Variants in SYT7 observed in about 807,000 individuals in gnomAD.
SYT7 encodes synaptotagmin 7.
SYT7 carries 29 observed loss-of-function variants against 75.1 expected under a neutral mutation model. The observed-to-expected ratio is 0.39, with a 90% CI of 0.29 to 0.53. The LOEUF (loss-of-function observed/expected upper bound fraction) is 0.53, where lower values mean the gene tolerates loss of function less well. Ranked by LOEUF, SYT7 falls within the 20% of genes least tolerant of loss-of-function variation. SYT7 has a pLI of 0.77. For missense variants in SYT7, 693 were observed against 953.2 expected (o/e 0.73, Z 3.59); for synonymous variants, 376 against 401.7 (o/e 0.94, Z 0.76).
chr11:61,568,607 G>A (rs1171350590), intron 1 of SYT7, among the ~76,000 whole-genome samples: 1 of 152,158 alleles, frequency 6.6e-6, no homozygotes. Context: ...GACGGGCATG[G>A]GAGAGTGTAT....
At chr11:61,545,814 G>T (rs2063166719) in intron 5 of SYT7, among the ~76,000 whole-genome samples, 2 of 152,230 alleles carry the variant, frequency 1.3e-5, no homozygotes, top group African/African-American at 4.8e-5. Flanking sequence ...GGACTGATGG[G>T]GCATCAGCCA....
chr11:61,534,994 C>T (rs1259670386), intron 7 of SYT7, among the ~76,000 whole-genome samples: 1 of 152,126 alleles, frequency 6.6e-6, no homozygotes, highest in Non-Finnish European at 1.5e-5. Flanking sequence ...GATATGAGAA[C>T]GTTAGAGTTA....
chr11:61,533,001 G>A lies in SYT7; in HGVS notation c.1188C>T (p.Ser396=), dbSNP rs144228005. The change falls in exon 8 of 13, where the codon AGC becomes AGT. Residue 396 remains serine (S), a synonymous_variant. Coordinates refer to ENST00000539008, the MANE Select transcript of SYT7 (RefSeq NM_001365809.2). ...SVSDLVNSLT[S]EMLMLSPGSE... The stretch of plus-strand genomic sequence containing the variant: ...CCCTCATTCTCACCATGAGCATCTC[G>A]CTGGTGAGGGAGTTGACGAGGTCTG... The A allele has an allele frequency of 4.0e-4, 651 of 1,613,392 alleles. 1 individual carries two copies. In the African/African-American group the frequency reaches 7.4e-3, roughly 18 times the overall value.
chr11:61,554,815 G>A (rs1038372335), intron 2 of SYT7, among the ~76,000 whole-genome samples: 5 of 152,170 alleles, frequency 3.3e-5, no homozygotes, highest in Admixed American at 6.5e-5. Flanking sequence ...GAGGGGGATC[G>A]GGTCATGCAC....
intron 1 of SYT7, among the ~76,000 whole-genome samples, chr11:61,569,454 G>A (rs987016568): frequency 4.6e-5 from 7 of 152,160 alleles, no homozygotes; most frequent in African/African-American, 1.7e-4. Context: ...AAAGCTGGAA[G>A]GAGCCTGAAC....
intron 6 of SYT7, chr11:61,541,384 G>T: frequency 1.3e-6 from 1 of 789,916 alleles, no homozygotes; most frequent in Non-Finnish European, 1.5e-6. Context: ...AGAGTGGGGG[G>T]CAGATGTCCA....
chr11:61,560,563 G>A (rs950571517), intron 1 of SYT7, among the ~76,000 whole-genome samples: 1 of 152,136 alleles, frequency 6.6e-6, no homozygotes, highest in African/African-American at 2.4e-5. Context: ...CTCAAAGGCA[G>A]GGTGAAACAA....
chr11:61,548,981 G>A (rs1005674929), intron 3 of SYT7, among the ~76,000 whole-genome samples: 4 of 152,202 alleles, frequency 2.6e-5, no homozygotes, highest in Non-Finnish European at 5.9e-5. Context: ...AGGCAGGACA[G>A]GCCCCAGGGG....
At chr11:61,520,025 GGGC>G in intron 12 of SYT7, among the ~76,000 whole-genome samples, 1 of 106,680 alleles carries the variant, frequency 9.4e-6, no homozygotes, top group African/African-American at 9.3e-5. Flanking sequence ...TCACTATGTT[GGGC>G]AAACTGGTCT....
chr11:61,560,641 C>T (rs982380511), intron 1 of SYT7, among the ~76,000 whole-genome samples: 6 of 152,132 alleles, frequency 3.9e-5, no homozygotes, highest in Admixed American at 6.5e-5. Flanking sequence ...GCCAGCATGC[C>T]GACATCCTAA....
chr11:61,547,111 G>A (rs1365133807), intron 4 of SYT7, 66 bp downstream of exon 4: 3 of 1,509,878 alleles, frequency 2.0e-6, no homozygotes, highest in South Asian at 1.2e-5. Context: ...GGTGGGGGCA[G>A]GAGGAGGGAA....
intron 1 of SYT7, among the ~76,000 whole-genome samples, chr11:61,571,938 T>C (rs1169161555): frequency 6.6e-6 from 1 of 152,190 alleles, no homozygotes; most frequent in Non-Finnish European, 1.5e-5. Flanking sequence ...CCACCTGGGC[T>C]CCTCTGACCA....
intron 9 of SYT7, chr11:61,526,211 C>T (rs2062511293): frequency 6.6e-6 from 1 of 152,178 alleles, no homozygotes; most frequent in African/African-American, 2.4e-5. Context: ...GGGTCCCTTT[C>T]CTCATATTGT....
chr11:61,534,959 G>A (rs997056468), intron 7 of SYT7, among the ~76,000 whole-genome samples: 3 of 152,234 alleles, frequency 2.0e-5, no homozygotes, highest in Non-Finnish European at 2.9e-5. Flanking sequence ...GGAAGAGCAG[G>A]GAGAGTGTGA....
At chr11:61,579,404 A>G (rs1336100864) in intron 1 of SYT7, among the ~76,000 whole-genome samples, 2 of 152,244 alleles carry the variant, frequency 1.3e-5, no homozygotes, top group Non-Finnish European at 2.9e-5. Context: ...CCTAGAGGAC[A>G]TTCAGAGAAG....
rs563324632 is a variant in SYT7, at chr11:61,524,833, C to T, written c.1472-301G>A. On this transcript the variant is annotated intron_variant, in intron 9 of 12. Coordinates refer to ENST00000539008, the MANE Select transcript of SYT7 (RefSeq NM_001365809.2). This position sits in a 1 kb window ranked among gnomAD's most constrained non-coding sequence, Gnocchi z 4.1. ...TCCCAGCTAGTAAAGAGTAGAACTG[C>T]GATCATCCATTCACCCATGCACCTT... 375 of 275,248 alleles carry T rather than the reference C, an allele frequency of 1.4e-3. 1 individual carries two copies. The highest frequency in any genetic ancestry group is 1.3e-3 in the South Asian group (23 of 17,308). The allele number at this position is 275,248 out of a possible 1,614,324, so 17.1% of individuals were successfully genotyped here.
At chr11:61,581,465 C>T (rs1336230800), upstream of SYT7, among the ~76,000 whole-genome samples, 3 of 152,256 alleles carry the variant, frequency 2.0e-5, no homozygotes, top group Non-Finnish European at 2.9e-5. Flanking sequence ...TGCCCTTTGG[C>T]TCCGATCCAA....
At chr11:61,578,778 C>CCA (rs2064155162) in intron 1 of SYT7, among the ~76,000 whole-genome samples, 1 of 152,176 alleles carries the variant, frequency 6.6e-6, no homozygotes, top group African/African-American at 2.4e-5. Flanking sequence ...AGCCCAATGC[C>CCA]CACACCGGAG....
At position 61,524,613 on chromosome 11, in the gene SYT7, G is replaced by T; in HGVS notation, c.1472-81C>A. The T allele has an allele frequency of 7.0e-7, 1 of 1,424,300 alleles. No homozygotes were observed. The highest frequency in any genetic ancestry group is 9.5e-7 in the Non-Finnish European group (1 of 1,057,760). 88.2% of individuals were successfully genotyped at this position (1,424,300 alleles called of 1,614,324 possible). A position where few individuals can be genotyped will look rare whatever the true frequency, so the allele number is the denominator to read the frequency against. On this transcript the variant is annotated intron_variant, in intron 9 of 12. Coordinates refer to ENST00000539008, the MANE Select transcript of SYT7 (RefSeq NM_001365809.2). The surrounding 1 kb of genome is among the most constrained non-coding windows in gnomAD (Gnocchi z 4.1). ...CGGGAGGCAAGGAAGGCCCTGGGAA[G>T]AGGAGGCAGGCCCTGTGCCCTCCCG...
Sources: allele counts gnomAD v4.1 joint callset (sites outside exome capture counted in the v4.1 genomes callset), GRCh38; gene constraint gnomAD v4.1.1; non-coding constraint Gnocchi (gnomAD v3.1); transcripts MANE v1.5; gene names NCBI Gene and HGNC (gene_info 2026-07-23, HGNC 2026-07-21).